Variants in CHIC1 observed in about 807,000 individuals in gnomAD.
The protein encoded by CHIC1 is cysteine-rich hydrophobic domain-containing protein 1.
In CHIC1, 7 loss-of-function variants were observed where a neutral mutation model predicts 18.5. The observed-to-expected ratio is 0.38, with a 90% CI of 0.22 to 0.71. The LOEUF is 0.71. Ranked by LOEUF, CHIC1 falls within the 30% of genes least tolerant of loss-of-function variation. The pLI, the probability that CHIC1 is intolerant of heterozygous loss-of-function variation, is 0.49. For missense variants in CHIC1, 159 were observed against 176.9 expected, an observed-to-expected ratio of 0.90 and a Z score of 0.57; for synonymous variants, 77 against 73.5, an observed-to-expected ratio of 1.05 and a Z score of -0.25.
At chrX:73,673,264 G>C (rs1006733987) in intron 3 of CHIC1, among the ~76,000 whole-genome samples, 1 of 111,676 alleles carries the variant, frequency 9.0e-6, no homozygotes, top group African/African-American at 3.3e-5. Flanking sequence ...CTTTAAAGTA[G>C]TTTTTTCCAA....
Position 73,563,446 on chromosome X carries a change from G to T in CHIC1, c.162G>T (p.Glu54Asp). The T allele has an allele frequency of 8.7e-7, 1 of 1,150,726 alleles. No individual in the cohort carries two copies. Among genetic ancestry groups the T allele is most frequent in the East Asian group, 3.2e-5 (1 of 30,841 alleles). 94.8% of individuals were successfully genotyped at this position (1,150,726 alleles called of 1,213,427 possible). ...DEEDEEEEEE[E>D]EEEEEEEEEE... ...AGGATGAGGAGGAAGAGGAGGAAGA[G>T]GAGGAGGAGGAAGAAGAGGAGGAGG... is the stretch of plus-strand genomic sequence containing the variant. Residue 54 changes from glutamate to aspartate, a missense_variant, in exon 1 of 6, where the codon GAG (glutamate) becomes GAT (aspartate). By Grantham distance (45) the Glu-to-Asp change is conservative. Coordinates refer to ENST00000373502, the MANE Select transcript of CHIC1 (RefSeq NM_001039840.4).
intron 3 of CHIC1, among the ~76,000 whole-genome samples, chrX:73,678,287 C>G (rs1392214388): frequency 1.8e-5 from 2 of 112,298 alleles, no homozygotes; most frequent in Non-Finnish European, 3.8e-5. Flanking sequence ...GCCAGGTAGA[C>G]TGGTCCTCAA....
chrX:73,660,839 A>G (rs1229543053), intron 3 of CHIC1, among the ~76,000 whole-genome samples: 1 of 111,829 alleles, frequency 8.9e-6, no homozygotes, highest in East Asian at 2.8e-4. Context: ...CACACCATAC[A>G]TTACTGTTTA....
chrX:73,667,604 T>G (rs1230925072), intron 3 of CHIC1, among the ~76,000 whole-genome samples: 1 of 111,643 alleles, frequency 9.0e-6, no homozygotes, highest in Non-Finnish European at 1.9e-5. Context: ...CTCTTTTGCT[T>G]ATGAAGCTTA....
At chrX:73,586,562 T>C (rs1325258182) in intron 3 of CHIC1, among the ~76,000 whole-genome samples, 1 of 111,860 alleles carries the variant, frequency 8.9e-6, no homozygotes, top group Non-Finnish European at 1.9e-5. Flanking sequence ...GTAAAATAAG[T>C]TGAATAGACT....
intron 4 of CHIC1, 53 bp downstream of exon 4, chrX:73,679,435 T>A: frequency 1.2e-6 from 1 of 867,693 alleles, no homozygotes; most frequent in Non-Finnish European, 1.6e-6. Flanking sequence ...CAGCATTAAA[T>A]TGAAAAATAA....
intron 3 of CHIC1, among the ~76,000 whole-genome samples, chrX:73,598,727 A>G (rs187365097): frequency 1.1e-3 from 120 of 110,252 alleles, no homozygotes; most frequent in Middle Eastern, 4.7e-3. Context: ...AATCCAGTCT[A>G]TCATTGTTGG....
chrX:73,600,460 G>C (rs1276432684), intron 3 of CHIC1, among the ~76,000 whole-genome samples: 1 of 105,374 alleles, frequency 9.5e-6, no homozygotes, highest in Non-Finnish European at 1.9e-5. Context: ...GTATGATATT[G>C]GCTGTGGGTT....
chrX:73,668,563 T>C (rs2058015315), intron 3 of CHIC1, among the ~76,000 whole-genome samples: 3 of 112,010 alleles, frequency 2.7e-5, no homozygotes, highest in Non-Finnish European at 3.8e-5. Flanking sequence ...TGTTGTTTTC[T>C]CTCTGTTTTT....
intron 3 of CHIC1, among the ~76,000 whole-genome samples, chrX:73,646,299 T>C (rs183644145): frequency 5.5e-4 from 62 of 112,318 alleles, no homozygotes; most frequent in African/African-American, 1.7e-3. Flanking sequence ...TTGATTTTTA[T>C]AGCTTTGTAA....
Position 73,677,529 on chromosome X carries a change from C to T in CHIC1, c.508-1797C>T, listed in dbSNP as rs1304232390. On this transcript the variant is annotated intron_variant, in intron 3 of 5. Transcript: ENST00000373502. ...GTGTGAGACCCTGTGGGCCTAGGAC[C>T]CTCCGAGCCAGGTGCAGGATATAAT... Among the ~76,000 whole-genome samples, 3 of 112,269 alleles carry T rather than the reference C, an allele frequency of 2.7e-5. No individual in the cohort carries two copies. In the East Asian group the frequency reaches 8.5e-4, roughly 32 times the overall value.
intron 3 of CHIC1, among the ~76,000 whole-genome samples, chrX:73,633,049 G>A (rs1426281644): frequency 2.7e-5 from 3 of 111,247 alleles, no homozygotes; most frequent in Non-Finnish European, 5.7e-5. Flanking sequence ...TTACAGGCAT[G>A]AGCCACCGCG....
At chrX:73,667,280 C>A (rs1158813117) in intron 3 of CHIC1, among the ~76,000 whole-genome samples, 3 of 111,486 alleles carry the variant, frequency 2.7e-5, no homozygotes, top group Non-Finnish European at 5.7e-5. Flanking sequence ...GACACCATAC[C>A]AATATGTCTT....
chrX:73,608,052 A>T (rs1004823362), intron 3 of CHIC1, among the ~76,000 whole-genome samples: 1 of 109,239 alleles, frequency 9.2e-6, no homozygotes, highest in Non-Finnish European at 1.9e-5. Context: ...TCTTACATTT[A>T]GTGCTTTGAT....
intron 3 of CHIC1, among the ~76,000 whole-genome samples, chrX:73,677,316 G>A (rs186783598): frequency 8.9e-4 from 100 of 112,286 alleles, no homozygotes; most frequent in African/African-American, 2.8e-3. Context: ...GTTTGTCTGT[G>A]CCCTGCCCCC....
intron 3 of CHIC1, among the ~76,000 whole-genome samples, chrX:73,610,179 C>T (rs1489048347): frequency 9.2e-6 from 1 of 109,081 alleles, no homozygotes; most frequent in Non-Finnish European, 1.9e-5. Context: ...AAAATGGCCT[C>T]CATTTCCATC....
chrX:73,678,598 A>G (rs1256115033), intron 3 of CHIC1, among the ~76,000 whole-genome samples: 1 of 112,431 alleles, frequency 8.9e-6, no homozygotes, highest in African/African-American at 3.2e-5. Flanking sequence ...GGCAATGTCC[A>G]TGATGGGCTA....
intron 3 of CHIC1, among the ~76,000 whole-genome samples, chrX:73,661,604 G>A (rs916104923): frequency 1.8e-5 from 2 of 111,946 alleles, no homozygotes; most frequent in African/African-American, 6.5e-5. Context: ...GTGATATTTG[G>A]ATGTGTACAT....
intron 1 of CHIC1, among the ~76,000 whole-genome samples, chrX:73,568,242 CCT>C (rs1447608436): frequency 9.0e-6 from 1 of 111,136 alleles, no homozygotes; most frequent in Non-Finnish European, 1.9e-5. Flanking sequence ...TAAGCTATCC[CCT>C]GTGTGTCAGA....
Sources: gnomAD v4.1 joint callset for allele counts (sites outside exome capture counted in the v4.1 genomes callset) on GRCh38, gnomAD v4.1.1 for gene constraint, MANE v1.5 for transcripts, NCBI Gene and HGNC (gene_info 2026-07-23, HGNC 2026-07-21) for gene names.